ERCC8: variants seen among roughly 807,000 people sequenced by gnomAD.
ERCC8 encodes the protein ERCC excision repair 8, CSA ubiquitin ligase complex subunit.
A neutral mutation model predicts 54.9 loss-of-function variants in ERCC8; 52 were observed. The observed-to-expected ratio is 0.95, with a 90% CI of 0.76 to 1.19. The LOEUF (loss-of-function observed/expected upper bound fraction) is 1.19. Among genes scored for constraint, ERCC8 ranks in the 50% most tolerant of loss-of-function variants. The pLI, the probability that ERCC8 is intolerant of heterozygous loss-of-function variation, is 0.00. For missense variants in ERCC8, 514 were observed against 466.1 expected, an observed-to-expected ratio of 1.10 and a Z score of -0.95; for synonymous variants, 146 against 157.2, an observed-to-expected ratio of 0.93 and a Z score of 0.53.
intron 1 of ERCC8, among the ~76,000 whole-genome samples, chr5:60,937,677 T>C (rs1345114010): frequency 6.6e-6 from 1 of 152,126 alleles, no homozygotes; most frequent in Non-Finnish European, 1.5e-5. Context: ...CTGAGTTTAT[T>C]TCCAGCAGGG....
chr5:60,940,446 G>A (rs1010299994), intron 1 of ERCC8, among the ~76,000 whole-genome samples: 4 of 152,196 alleles, frequency 2.6e-5, no homozygotes, highest in South Asian at 2.1e-4. Flanking sequence ...ACTTGGAAGC[G>A]TATGGCAGAA....
chr5:60,937,194 G>T (rs1750091729), intron 1 of ERCC8, among the ~76,000 whole-genome samples: 1 of 152,174 alleles, frequency 6.6e-6, no homozygotes, highest in Admixed American at 6.5e-5. Flanking sequence ...GGAGTGAAGT[G>T]GCCTCTATGA....
rs4647154 is a variant in ERCC8 at position 60,874,319 on chromosome 5, T to C, written c.*296A>G. 8.6e-4 allele frequency: 266 copies of C among 309,598 alleles called. 1 individual carries two copies. Among genetic ancestry groups the C allele is most frequent in the African/African-American group, 5.5e-3 (254 of 45,860 alleles). 19.2% of individuals were successfully genotyped at this position (309,598 alleles called of 1,614,324 possible). A position where few individuals can be genotyped will look rare whatever the true frequency, so the allele number is the denominator to read the frequency against. ...CTCTGAGACTGCATCTTATAGTTCA[T>C]AAAATCTGCTGAAGGTCACAACTGA... On this transcript the variant is annotated 3_prime_UTR_variant, in exon 12 of 12. Coordinates refer to ENST00000676185, the MANE Select transcript of ERCC8 (RefSeq NM_000082.4).
At position 60,891,079 on chromosome 5, in the gene ERCC8, T is replaced by C. The variant is rs1389416546; in HGVS notation, c.851A>G (p.Tyr284Cys). Reference sequence around the variant, plus strand: ...TTTACTGTTATTACAAACTTTTCCATAGTTCACCTGTAGGATTAAAATAAT... The same window carrying C: ...TTTACTGTTATTACAAACTTTTCCACAGTTCACCTGTAGGATTAAAATAAT... ...SSNGENTLVNYGKVCNNSKKG... is the reference protein window; with the variant it reads ...SSNGENTLVNCGKVCNNSKKG... Residue 284 changes from tyrosine (Y) to cysteine (C), a missense_variant, in exon 10 of 12, where the codon TAT becomes TGT. By Grantham distance (194) the Tyr-to-Cys change is radical. Coordinates refer to ENST00000676185, the MANE Select transcript of ERCC8 (RefSeq NM_000082.4). The C allele has an allele frequency of 1.2e-6, 2 of 1,601,692 alleles. No individual in the cohort carries two copies. The highest frequency in any genetic ancestry group is 1.7e-6 in the Non-Finnish European group (2 of 1,171,160).
intron 11 of ERCC8, among the ~76,000 whole-genome samples, chr5:60,883,986 T>C (rs1220376727): frequency 6.6e-6 from 1 of 152,230 alleles, no homozygotes; most frequent in Non-Finnish European, 1.5e-5. Context: ...CTACTTTGGA[T>C]ATCAGGAGAA....
intron 4 of ERCC8, among the ~76,000 whole-genome samples, chr5:60,907,701 C>G (rs1749119447): frequency 6.6e-6 from 1 of 152,088 alleles, no homozygotes; most frequent in African/African-American, 2.4e-5. Context: ...GGCTCATTCC[C>G]AACAGCACTA....
intron 11 of ERCC8, among the ~76,000 whole-genome samples, chr5:60,877,890 C>T (rs1332242978): frequency 6.6e-6 from 1 of 152,164 alleles, no homozygotes; most frequent in Non-Finnish European, 1.5e-5. Context: ...TTGCCCTGGA[C>T]AGAACTTCCA....
At chr5:60,883,552 A>G (rs1007819903) in intron 11 of ERCC8, among the ~76,000 whole-genome samples, 1 of 152,226 alleles carries the variant, frequency 6.6e-6, no homozygotes, top group African/African-American at 2.4e-5. Context: ...GAGTTTAGAG[A>G]AGGAATAGAA....
chr5:60,878,500 C>T (rs1020963302), intron 11 of ERCC8, among the ~76,000 whole-genome samples: 1 of 152,178 alleles, frequency 6.6e-6, no homozygotes, highest in African/African-American at 2.4e-5. Flanking sequence ...CCATCTGGTC[C>T]TGGACTTTTT....
intron 1 of ERCC8, among the ~76,000 whole-genome samples, chr5:60,938,487 G>A (rs1750159363): frequency 6.6e-6 from 1 of 151,682 alleles, no homozygotes; most frequent in African/African-American, 2.4e-5. Flanking sequence ...CCGAGTAGCT[G>A]GGATTACAGG....
intron 11 of ERCC8, among the ~76,000 whole-genome samples, chr5:60,875,893 C>CCT (rs1561492027): frequency 1.3e-5 from 2 of 151,054 alleles, no homozygotes; most frequent in African/African-American, 4.9e-5. Context: ...TTTATTTTTT[C>CCT]TTTTTTTTAT....
At chr5:60,892,877 C>G in intron 9 of ERCC8, 1 of 702,760 alleles carries the variant, frequency 1.4e-6, no homozygotes, top group Non-Finnish European at 2.6e-6. Context: ...GGCTGCTTTT[C>G]CCAATATTGG....
intron 11 of ERCC8, 109 bp from the exon 12 acceptor site, chr5:60,874,792 T>C (rs1747950222): frequency 1.1e-6 from 1 of 883,322 alleles, no homozygotes; most frequent in Admixed American, 2.7e-5. Flanking sequence ...AATTACATTA[T>C]TTTGGAAGAA....
intron 3 of ERCC8, among the ~76,000 whole-genome samples, chr5:60,921,260 T>A (rs4647077): frequency 6.6e-6 from 1 of 151,952 alleles, no homozygotes; most frequent in Non-Finnish European, 1.5e-5. Flanking sequence ...AAATATTCCA[T>A]AGCATATATT....
intron 9 of ERCC8, chr5:60,892,619 A>G: frequency 1.5e-6 from 1 of 663,484 alleles, no homozygotes. Flanking sequence ...AGAGAAGGTA[A>G]TAGTTGGAAA....
rs1749522604 is a variant in ERCC8 at position 60,919,010 on chromosome 5, T to C, written c.276-622A>G. ...GTCCTGAAGGATGCAGTATATGCTC[T>C]GAACCAGTGACCAACATAGTGTGTT... On this transcript the variant is annotated intron_variant, in intron 3 of 11. Coordinates refer to ENST00000676185, the MANE Select transcript of ERCC8 (RefSeq NM_000082.4). Among the ~76,000 whole-genome samples, 3 of 152,032 alleles carry C rather than the reference T, an allele frequency of 2.0e-5. No individual in the cohort carries two copies. The South Asian group carries it at 6.2e-4, about 32-fold the overall frequency.
At chr5:60,929,059 T>C in intron 1 of ERCC8, 100 bp from the exon 2 acceptor site, 3 of 728,874 alleles carry the variant, frequency 4.1e-6, no homozygotes, top group Non-Finnish European at 4.9e-6. Context: ...TCACAAGAAA[T>C]GTCTAAATCT....
In ERCC8 at chr5:60,867,571, A is replaced by C. The variant is rs1429214170; in HGVS notation, c.*7044T>G. Among the ~76,000 whole-genome samples, 1 of 152,246 alleles carries C rather than the reference A, an allele frequency of 6.6e-6. No individual in the cohort carries two copies. Among genetic ancestry groups the C allele is most frequent in the African/African-American group, 2.4e-5 (1 of 41,468 alleles). On this transcript the variant is annotated 3_prime_UTR_variant, in exon 12 of 12. Transcript: ENST00000676185. Reference sequence around the variant, plus strand: ...AGAAACCATTAGAATATTACAATAAAAGTTAATAACTCAGTTCTCAAAGAC... The same window carrying C: ...AGAAACCATTAGAATATTACAATAACAGTTAATAACTCAGTTCTCAAAGAC...
chr5:60,925,972 C>T (rs766544842), intron 2 of ERCC8, among the ~76,000 whole-genome samples: 1 of 152,056 alleles, frequency 6.6e-6, no homozygotes, highest in African/African-American at 2.4e-5. Context: ...TACGGGCACG[C>T]GCCACTGCAC....
Sources: gnomAD v4.1 joint callset for allele counts (sites outside exome capture counted in the v4.1 genomes callset) on GRCh38, gnomAD v4.1.1 for gene constraint, MANE v1.5 for transcripts, NCBI Gene and HGNC (gene_info 2026-07-23, HGNC 2026-07-21) for gene names.